PTPN4: variants seen among roughly 807,000 people sequenced by gnomAD.
The protein encoded by PTPN4 is protein tyrosine phosphatase non-receptor type 4.
PTPN4 carries 49 observed loss-of-function variants against 135.5 expected under a neutral mutation model. That is an observed-to-expected ratio of 0.36 (90% CI 0.29 to 0.46). The LOEUF (loss-of-function observed/expected upper bound fraction) is 0.46. PTPN4 is among the 20% of genes least tolerant of loss of function. PTPN4 has a pLI of 1.00. For missense variants in PTPN4, 860 were observed against 1,101.0 expected (o/e 0.78, Z 3.10); for synonymous variants, 333 against 369.9 (o/e 0.90, Z 1.14).
intron 9 of PTPN4, among the ~76,000 whole-genome samples, chr2:119,894,997 C>G (rs887857792): frequency 6.6e-6 from 1 of 152,130 alleles, no homozygotes; most frequent in African/African-American, 2.4e-5. Context: ...TCTTTGCTCA[C>G]TTCCATTACT....
rs1679465721 is a variant in PTPN4 at position 119,967,692 on chromosome 2, T to C, written c.2559-145T>C. 5 of 612,138 alleles carry C rather than the reference T, an allele frequency of 8.2e-6. No individual in the cohort carries two copies. In the South Asian group the frequency reaches 2.3e-4, roughly 28 times the overall value. 37.9% of individuals were successfully genotyped at this position (612,138 alleles called of 1,614,324 possible). On this transcript the variant is annotated intron_variant, in intron 25 of 26. Transcript: ENST00000263708. ...GCATTTTTTTTCTGTTTTCAAAATA[T>C]TCTGTATTTGGCTTACTACTTTTAT... is the stretch of plus-strand genomic sequence containing the variant.
At chr2:119,932,614 T>C (rs1678922565) in intron 14 of PTPN4, 65 bp downstream of exon 14, 1 of 1,477,224 alleles carries the variant, frequency 6.8e-7, no homozygotes, top group Non-Finnish European at 9.2e-7. Context: ...ATTGGCTGTA[T>C]ATTTTTATGC....
At chr2:119,864,189 G>A (rs569355437) in intron 3 of PTPN4, among the ~76,000 whole-genome samples, 6 of 152,242 alleles carry the variant, frequency 3.9e-5, no homozygotes, top group African/African-American at 7.2e-5. Flanking sequence ...GCTATACATG[G>A]TTGAACTATA....
chr2:119,954,254 T>C (rs957770961), intron 19 of PTPN4, among the ~76,000 whole-genome samples: 1 of 152,210 alleles, frequency 6.6e-6, no homozygotes, highest in African/African-American at 2.4e-5. Context: ...GGCCCCTACC[T>C]TGGCTCCATG....
intron 19 of PTPN4, 148 bp from the exon 20 acceptor site, chr2:119,955,009 T>G: frequency 4.5e-6 from 3 of 664,866 alleles, no homozygotes; most frequent in Admixed American, 3.5e-5. Flanking sequence ...TGTCCCCCCA[T>G]AGTGACACCA....
In PTPN4 at chr2:119,980,720, G is replaced by A. The variant is rs1322268909; in HGVS notation, c.*3650G>A. 2 of 151,934 alleles carry A rather than the reference G, an allele frequency of 1.3e-5. No homozygotes were observed. Among genetic ancestry groups the A allele is most frequent in the South Asian group, 2.1e-4 (1 of 4,820 alleles). 9.4% of individuals were successfully genotyped at this position (151,934 alleles called of 1,614,324 possible). A position where few individuals can be genotyped will look rare whatever the true frequency, so the allele number is the denominator to read the frequency against. On this transcript the variant is annotated 3_prime_UTR_variant, in exon 27 of 27. Coordinates refer to ENST00000263708, the MANE Select transcript of PTPN4 (RefSeq NM_002830.4). ...TGTCACTTAAGTTAGAAAATAAGCA[G>A]GCTTAAGAAGTGATTCTAATTAGGA...
At chr2:119,890,366 A>C (rs1574389913) in intron 9 of PTPN4, among the ~76,000 whole-genome samples, 2 of 151,340 alleles carry the variant, frequency 1.3e-5, no homozygotes, top group South Asian at 4.2e-4. Context: ...TGTATGGAGT[A>C]TTTTTTTCCA....
chr2:119,912,320 A>G (rs1678583614), intron 10 of PTPN4, among the ~76,000 whole-genome samples: 2 of 152,194 alleles, frequency 1.3e-5, no homozygotes, highest in Non-Finnish European at 2.9e-5. Flanking sequence ...GGCGGAAGGA[A>G]TCTTTTGGAA....
chr2:119,761,641 T>C (rs1690502921), intron 1 of PTPN4, among the ~76,000 whole-genome samples: 1 of 152,220 alleles, frequency 6.6e-6, no homozygotes. Context: ...TTCGCATTTT[T>C]TATGGTACAC....
At chr2:119,828,570 A>G (rs1043626399) in intron 2 of PTPN4, among the ~76,000 whole-genome samples, 2 of 152,210 alleles carry the variant, frequency 1.3e-5, no homozygotes, top group African/African-American at 4.8e-5. Flanking sequence ...TTGGGCAATT[A>G]TCTAAGAGTG....
chr2:119,926,114 A>G (rs918808975), intron 12 of PTPN4, among the ~76,000 whole-genome samples: 1 of 152,216 alleles, frequency 6.6e-6, no homozygotes, highest in East Asian at 1.9e-4. Context: ...ATATGGTTAC[A>G]TTTGATATAC....
intron 19 of PTPN4, among the ~76,000 whole-genome samples, chr2:119,954,055 A>G (rs933279721): frequency 5.9e-5 from 9 of 152,224 alleles, no homozygotes; most frequent in African/African-American, 1.9e-4. Flanking sequence ...TATAATTAAA[A>G]TTTAAAACTG....
At chr2:119,890,084 T>C (rs28852693) in intron 9 of PTPN4, among the ~76,000 whole-genome samples, 52,289 of 151,994 alleles carry the variant, frequency 0.34, 9,540 homozygotes, top group African/African-American at 0.46. Flanking sequence ...TTTTCTAGAT[T>C]TGTCTAATGC....
intron 9 of PTPN4, among the ~76,000 whole-genome samples, chr2:119,898,541 T>C (rs1429336359): frequency 6.6e-6 from 1 of 152,206 alleles, no homozygotes; most frequent in East Asian, 1.9e-4. Flanking sequence ...TTTCAATGCC[T>C]ACGAGGTACT....
chr2:119,802,391 A>C (rs1558730453), intron 1 of PTPN4, among the ~76,000 whole-genome samples: 1 of 152,000 alleles, frequency 6.6e-6, no homozygotes, highest in Non-Finnish European at 1.5e-5. Flanking sequence ...AGATCCCTTT[A>C]TTTCTAGTTT....
intron 13 of PTPN4, among the ~76,000 whole-genome samples, chr2:119,929,895 T>G (rs34471535): frequency 0.01 from 1,561 of 152,272 alleles, 30 homozygotes; most frequent in African/African-American, 0.036. Context: ...ATGAAAGTAG[T>G]TGATCTATTG....
At chr2:119,962,383 G>C (rs187418695) in intron 23 of PTPN4, among the ~76,000 whole-genome samples, 383 of 152,050 alleles carry the variant, frequency 2.5e-3, no homozygotes, top group Middle Eastern at 0.014. Flanking sequence ...GAACCCAGGA[G>C]GCAGAGGTTG....
chr2:119,799,079 A>G (rs1429440293), intron 1 of PTPN4, among the ~76,000 whole-genome samples: 1 of 152,232 alleles, frequency 6.6e-6, no homozygotes, highest in African/African-American at 2.4e-5. Context: ...ATCATCTTTC[A>G]TAGTTGTTAT....
At chr2:119,835,357 G>C (rs1287552484) in intron 2 of PTPN4, among the ~76,000 whole-genome samples, 1 of 152,026 alleles carries the variant, frequency 6.6e-6, no homozygotes, top group African/African-American at 2.4e-5. Context: ...GCTAATTTTT[G>C]TATTTTTACT....
Sources: gnomAD v4.1 joint callset for allele counts (sites outside exome capture counted in the v4.1 genomes callset) on GRCh38, gnomAD v4.1.1 for gene constraint, MANE v1.5 for transcripts, NCBI Gene and HGNC (gene_info 2026-07-23, HGNC 2026-07-21) for gene names.